STK32B: variants seen among roughly 807,000 people sequenced by gnomAD.
STK32B encodes serine/threonine-protein kinase 32B.
In STK32B, 43 loss-of-function variants were observed where a neutral mutation model predicts 52.6. The ratio of observed to expected loss-of-function variants is 0.82; its 90% CI spans 0.64 to 1.05. STK32B has a LOEUF of 1.05. Ranked by LOEUF, STK32B falls within the 50% of genes least tolerant of loss-of-function variation. STK32B has a pLI of 0.00. For synonymous variants in STK32B, 238 were observed against 204.3 expected (o/e 1.17, Z -1.41); for missense variants, 621 against 534.6 (o/e 1.16, Z -1.59).
At chr4:5,068,707 C>G (rs1161025230) in intron 1 of STK32B, among the ~76,000 whole-genome samples, 1 of 152,138 alleles carries the variant, frequency 6.6e-6, no homozygotes, top group South Asian at 2.1e-4. Context: ...ATACTTTTCT[C>G]TATCTTGACC....
At chr4:5,285,191 C>G (rs1170472538) in intron 3 of STK32B, among the ~76,000 whole-genome samples, 1 of 152,132 alleles carries the variant, frequency 6.6e-6, no homozygotes, top group Non-Finnish European at 1.5e-5. Flanking sequence ...TGCTCATGTT[C>G]TTGGTAAGGC....
At chr4:5,242,843 C>T (rs967091751) in intron 3 of STK32B, among the ~76,000 whole-genome samples, 1 of 152,134 alleles carries the variant, frequency 6.6e-6, no homozygotes, top group East Asian at 1.9e-4. Context: ...GAATCCTTTC[C>T]CCATTGCTTG....
intron 3 of STK32B, among the ~76,000 whole-genome samples, chr4:5,250,458 A>G (rs910845392): frequency 4.1e-4 from 63 of 152,022 alleles, no homozygotes; most frequent in Non-Finnish European, 8.5e-4. Context: ...GATTACATGC[A>G]TGTATCACTA....
chr4:5,251,042 G>A (rs58687129), intron 3 of STK32B, among the ~76,000 whole-genome samples: 2 of 151,970 alleles, frequency 1.3e-5, no homozygotes, highest in African/African-American at 4.8e-5. Flanking sequence ...TCTTTTGCGG[G>A]ACAGAAGCTC....
chr4:5,216,796 G>A (rs1348489051), intron 3 of STK32B, among the ~76,000 whole-genome samples: 2 of 152,158 alleles, frequency 1.3e-5, no homozygotes, highest in Non-Finnish European at 2.9e-5. Flanking sequence ...ACCCCACCAG[G>A]TTTTAAACCA....
At chr4:5,421,386 G>A (rs1006335250) in intron 6 of STK32B, among the ~76,000 whole-genome samples, 1 of 152,162 alleles carries the variant, frequency 6.6e-6, no homozygotes, top group East Asian at 1.9e-4. Context: ...CACCATGCCT[G>A]GCTAATTTTT....
intron 1 of STK32B, among the ~76,000 whole-genome samples, chr4:5,121,173 T>A (rs1715004472): frequency 6.6e-6 from 1 of 152,202 alleles, no homozygotes; most frequent in South Asian, 2.1e-4. Context: ...TGAGAACAAA[T>A]GATATTTGGT....
intron 3 of STK32B, among the ~76,000 whole-genome samples, chr4:5,276,809 G>T (rs1366270880): frequency 6.6e-6 from 1 of 152,088 alleles, no homozygotes; most frequent in Non-Finnish European, 1.5e-5. Context: ...ACGGTGGGGT[G>T]CAGTTTCCGC....
chr4:5,173,726 A>T (rs1317790191), intron 3 of STK32B, among the ~76,000 whole-genome samples: 1 of 152,168 alleles, frequency 6.6e-6, no homozygotes, highest in East Asian at 1.9e-4. Flanking sequence ...ACTTCCAACT[A>T]TGTGGTCAAT....
At chr4:5,153,479 T>C (rs547299182) in intron 2 of STK32B, among the ~76,000 whole-genome samples, 2 of 150,814 alleles carry the variant, frequency 1.3e-5, no homozygotes, top group East Asian at 3.9e-4. Flanking sequence ...TTTTTTTTTT[T>C]AATTTGGTAA....
intron 2 of STK32B, among the ~76,000 whole-genome samples, chr4:5,156,169 C>A (rs1429646501): frequency 6.6e-6 from 1 of 151,452 alleles, no homozygotes; most frequent in Non-Finnish European, 1.5e-5. Flanking sequence ...TATACATATA[C>A]ACATATGCAT....
In STK32B at chr4:5,439,730, G is replaced by A. The variant is rs547111312; in HGVS notation, c.563-6943G>A. On this transcript the variant is annotated intron_variant, in intron 6 of 11. Transcript: ENST00000282908. ...CAAGTTTTCTTCTAGGGTTTATATG[G>A]TTTTAGGTCTAACGTTTAAGTCTTT... Among the ~76,000 whole-genome samples the A allele has an allele frequency of 1.0e-3, 159 of 152,272 alleles. 1 individual carries two copies. Among genetic ancestry groups the A allele is most frequent in the Middle Eastern group, 6.8e-3 (2 of 294 alleles).
intron 1 of STK32B, among the ~76,000 whole-genome samples, chr4:5,061,177 GC>G (rs1471626006): frequency 1.3e-5 from 2 of 152,060 alleles, no homozygotes; most frequent in African/African-American, 4.8e-5. Context: ...ATACTTCTTT[GC>G]TTTTTGTTCT....
At chr4:5,092,268 G>A (rs1007040081) in intron 1 of STK32B, among the ~76,000 whole-genome samples, 10 of 151,898 alleles carry the variant, frequency 6.6e-5, no homozygotes, top group Non-Finnish European at 1.3e-4. Flanking sequence ...GCAGTGGCTC[G>A]CGCCTGTAAT....
intron 3 of STK32B, among the ~76,000 whole-genome samples, chr4:5,220,754 A>C (rs1577208260): frequency 6.6e-6 from 1 of 152,164 alleles, no homozygotes. Context: ...ATGGCAGCAC[A>C]GAATTGAGTG....
At chr4:5,466,020 C>T (rs936560777) in intron 9 of STK32B, among the ~76,000 whole-genome samples, 1 of 152,230 alleles carries the variant, frequency 6.6e-6, no homozygotes, top group Non-Finnish European at 1.5e-5. Context: ...GATTTTTCCC[C>T]TGTGCGCGCC....
At chr4:5,247,629 T>G (rs922410306) in intron 3 of STK32B, among the ~76,000 whole-genome samples, 2 of 152,270 alleles carry the variant, frequency 1.3e-5, no homozygotes, top group East Asian at 1.9e-4. Context: ...TGTACCTCAG[T>G]TGGAAATGCA....
rs7687596 is a variant in STK32B, at chr4:5,470,365, A to G, written c.1106+2295A>G. ...GAGGCTGGCATAGTTTACCGGAGTCAGCAAAATAAAGAAAGAGGGCAGACG... is the reference window on the plus strand; with the variant it reads ...GAGGCTGGCATAGTTTACCGGAGTCGGCAAAATAAAGAAAGAGGGCAGACG... On this transcript the variant is annotated intron_variant, in intron 11 of 11. Transcript: ENST00000282908. This position sits in a 1 kb window ranked among gnomAD's most constrained non-coding sequence, Gnocchi z 4.6. 0.52 allele frequency among the ~76,000 whole-genome samples: 78,558 copies of G among 152,008 alleles called. 22,501 individuals are homozygous for G. The highest frequency in any genetic ancestry group is 0.75 in the African/African-American group (31,232 of 41,436).
intron 1 of STK32B, among the ~76,000 whole-genome samples, chr4:5,063,031 A>G (rs1220412377): frequency 2.6e-5 from 4 of 152,212 alleles, no homozygotes; most frequent in Non-Finnish European, 5.9e-5. Context: ...GTTTTTTACT[A>G]TTGTGAACCA....
Sources: gnomAD v4.1 joint callset for allele counts (sites outside exome capture counted in the v4.1 genomes callset) on GRCh38, gnomAD v4.1.1 for gene constraint, Gnocchi (gnomAD v3.1) non-coding constraint, MANE v1.5 for transcripts, NCBI Gene and HGNC (gene_info 2026-07-23, HGNC 2026-07-21) for gene names.